Variants in KIF21A observed in about 807,000 individuals in gnomAD.
KIF21A encodes the protein kinesin-like protein KIF21A.
In KIF21A, 114 loss-of-function variants were observed where a neutral mutation model predicts 202.9. The observed-to-expected ratio is 0.56, with a 90% confidence interval of 0.48 to 0.66. The LOEUF (loss-of-function observed/expected upper bound fraction) is 0.66. KIF21A is among the 30% of genes least tolerant of loss of function. The pLI, the probability that KIF21A is intolerant of heterozygous loss-of-function variation, is 0.00. For missense variants in KIF21A, 1,677 were observed against 1,994.9 expected, an observed-to-expected ratio of 0.84 and a Z score of 3.04; for synonymous variants, 667 against 670.8, an observed-to-expected ratio of 0.99 and a Z score of 0.09.
intron 1 of KIF21A, among the ~76,000 whole-genome samples, chr12:39,418,919 A>G (rs1354687030): frequency 6.6e-6 from 1 of 152,168 alleles, no homozygotes; most frequent in African/African-American, 2.4e-5. Flanking sequence ...TACATTTGTT[A>G]TTTTATTAAT....
At chr12:39,315,791 T>C (rs1282572621) in intron 30 of KIF21A, 141 bp downstream of exon 30, 2 of 761,026 alleles carry the variant, frequency 2.6e-6, no homozygotes, top group Non-Finnish European at 4.9e-6. Context: ...AAAATTATCA[T>C]GTTTAGAAAT....
In KIF21A at chr12:39,301,689, A is replaced by G. The variant is rs1348662485; in HGVS notation, c.4732-10T>C. On this transcript the variant is annotated splice_polypyrimidine_tract_variant and intron_variant, in intron 36 of 37. Coordinates refer to ENST00000361418, the MANE Select transcript of KIF21A (RefSeq NM_001173464.2). ...GTGCATTTGGAACTTGCTAAAAGAAAAAAAGTGAAATCAGCAGCTTAAGGA... is the reference window on the plus strand; with the variant it reads ...GTGCATTTGGAACTTGCTAAAAGAAGAAAAGTGAAATCAGCAGCTTAAGGA... 6.2e-7 allele frequency: 1 copy of G among 1,613,048 alleles called. No individual in the cohort carries two copies. Among genetic ancestry groups the G allele is most frequent in the Non-Finnish European group, 8.5e-7 (1 of 1,179,030 alleles).
chr12:39,332,499 G>T lies in KIF21A; in HGVS notation c.2857-91C>A, dbSNP rs74088355. Reference sequence around the variant, plus strand: ...CCCCCCCACCCCCCAAAAAAAACTTGGTAAGTGTTAAATTTACCCAGGGAA... The same window carrying T: ...CCCCCCCACCCCCCAAAAAAAACTTTGTAAGTGTTAAATTTACCCAGGGAA... On this transcript the variant is annotated intron_variant, in intron 20 of 37. Coordinates refer to ENST00000361418, the MANE Select transcript of KIF21A (RefSeq NM_001173464.2). The T allele has an allele frequency of 6.1e-6, 5 of 826,042 alleles. No individual in the cohort carries two copies. The African/African-American group carries it at 8.3e-5, about 14-fold the overall frequency. 51.2% of individuals were successfully genotyped at this position (826,042 alleles called of 1,614,324 possible).
At chr12:39,395,663 GA>G (rs1260779146) in intron 1 of KIF21A, among the ~76,000 whole-genome samples, 2 of 151,828 alleles carry the variant, frequency 1.3e-5, no homozygotes, top group Non-Finnish European at 2.9e-5. Flanking sequence ...CCAACATGGG[GA>G]AACCCGATCT....
chr12:39,380,100 TG>T (rs1592438981), intron 1 of KIF21A, among the ~76,000 whole-genome samples: 1 of 152,214 alleles, frequency 6.6e-6, no homozygotes, highest in African/African-American at 2.4e-5. Context: ...CCTGAGTAGC[TG>T]GGATTACAGG....
intron 35 of KIF21A, among the ~76,000 whole-genome samples, 160 bp downstream of exon 35, chr12:39,304,661 C>T (rs1943283741): frequency 6.6e-6 from 1 of 151,746 alleles, no homozygotes; most frequent in Non-Finnish European, 1.5e-5. Context: ...AACAATAAGA[C>T]AACAAAACCA....
chr12:39,369,377 T>G (rs1200594705), intron 3 of KIF21A, among the ~76,000 whole-genome samples: 1 of 152,064 alleles, frequency 6.6e-6, no homozygotes, highest in Admixed American at 6.6e-5. Context: ...CAAGAATCAC[T>G]TGAACCCAGG....
At chr12:39,408,493 A>G (rs1952794915) in intron 1 of KIF21A, among the ~76,000 whole-genome samples, 1 of 152,090 alleles carries the variant, frequency 6.6e-6, no homozygotes, top group African/African-American at 2.4e-5. Context: ...GGATTGAGGA[A>G]CCCCTGATAA....
rs1347793194 is a variant in KIF21A at position 39,442,087 on chromosome 12, C to A, written c.44+840G>T. Among the ~76,000 whole-genome samples the A allele has an allele frequency of 6.6e-6, 1 of 152,152 alleles. No homozygotes were observed. The highest frequency in any genetic ancestry group is 1.5e-5 in the Non-Finnish European group (1 of 68,022). On this transcript the variant is annotated intron_variant, in intron 1 of 37. Coordinates refer to ENST00000361418, the MANE Select transcript of KIF21A (RefSeq NM_001173464.2). The surrounding 1 kb of genome is among the most constrained non-coding windows in gnomAD (Gnocchi z 5.0). ...GCCGAAATTACATCGAATACTCGTGCCTGTCATTGGCCGAAATATAATTTC... is the reference window on the plus strand; with the variant it reads ...GCCGAAATTACATCGAATACTCGTGACTGTCATTGGCCGAAATATAATTTC...
intron 1 of KIF21A, among the ~76,000 whole-genome samples, chr12:39,441,226 T>C (rs60505849): frequency 0.068 from 10,345 of 152,200 alleles, 539 homozygotes; most frequent in South Asian, 0.28. Flanking sequence ...AAGTTATTTA[T>C]CAGTCAGCAT....
chr12:39,317,782 G>C (rs1334395831), intron 29 of KIF21A, among the ~76,000 whole-genome samples: 2 of 152,038 alleles, frequency 1.3e-5, no homozygotes, highest in Non-Finnish European at 2.9e-5. Flanking sequence ...AACATCAAGT[G>C]GTCTCAAAGA....
chr12:39,338,264 ACTT>A (rs2138305588), intron 16 of KIF21A, among the ~76,000 whole-genome samples: 1 of 152,318 alleles, frequency 6.6e-6, no homozygotes, highest in East Asian at 1.9e-4. Context: ...AAATATAAAA[ACTT>A]AAAATAGATA....
intron 37 of KIF21A, among the ~76,000 whole-genome samples, chr12:39,298,559 C>G (rs1312893514): frequency 6.6e-6 from 1 of 152,106 alleles, no homozygotes; most frequent in Non-Finnish European, 1.5e-5. Flanking sequence ...CCAACTAACC[C>G]TAGAGTAATG....
chr12:39,311,351 T>A, intron 32 of KIF21A, 66 bp downstream of exon 32: 1 of 1,429,768 alleles, frequency 7.0e-7, no homozygotes, highest in Non-Finnish European at 9.7e-7. Context: ...TTCTAGAATA[T>A]GTTAAAAATG....
At chr12:39,398,333 T>C (rs777457891) in intron 1 of KIF21A, among the ~76,000 whole-genome samples, 4 of 152,138 alleles carry the variant, frequency 2.6e-5, no homozygotes, top group Non-Finnish European at 5.9e-5. Flanking sequence ...GACATGGTGG[T>C]TCATGCCTGT....
Position 39,332,944 on chromosome 12 carries a change from A to C in KIF21A, c.2651T>G (p.Ile884Ser). 2 of 1,614,050 alleles carry C rather than the reference A, an allele frequency of 1.2e-6. No individual in the cohort carries two copies. Among genetic ancestry groups the C allele is most frequent in the East Asian group, 2.2e-5 (1 of 44,878 alleles). Residue 884 changes from isoleucine to serine, a missense_variant, in exon 19 of 38, where the codon ATT becomes AGT. Coordinates refer to ENST00000361418, the MANE Select transcript of KIF21A (RefSeq NM_001173464.2). Reference protein sequence around the residue: ...SRTGAQQKMRIPVARVQALPT... With the variant: ...SRTGAQQKMRSPVARVQALPT... ...TAAGGCCTGGACTCTCGCCACAGGA[A>C]TTCTCATTTTCTGCTGGGCTCCTGT...
intron 36 of KIF21A, 106 bp from the exon 37 acceptor site, chr12:39,301,785 G>T: frequency 1.0e-6 from 1 of 954,728 alleles, no homozygotes; most frequent in Non-Finnish European, 1.7e-6. Flanking sequence ...TTGATATTTG[G>T]AATTGGCTGG....
chr12:39,370,504 C>CGGGGG (rs1949882513), intron 1 of KIF21A, among the ~76,000 whole-genome samples: 1 of 151,938 alleles, frequency 6.6e-6, no homozygotes, highest in East Asian at 1.9e-4. Flanking sequence ...AAGTAAAATC[C>CGGGGG]ATCTTAAAAT....
At chr12:39,416,424 C>T (rs903097558) in intron 1 of KIF21A, among the ~76,000 whole-genome samples, 11 of 151,560 alleles carry the variant, frequency 7.3e-5, no homozygotes, top group African/African-American at 1.5e-4. Flanking sequence ...GGCGAAACCC[C>T]GTCTCCACTA....
Sources: allele counts gnomAD v4.1 joint callset (sites outside exome capture counted in the v4.1 genomes callset), GRCh38; gene constraint gnomAD v4.1.1; non-coding constraint Gnocchi (gnomAD v3.1); transcripts MANE v1.5; gene names NCBI Gene and HGNC (gene_info 2026-07-23, HGNC 2026-07-21).